Variants in NEK3 observed in about 807,000 individuals in gnomAD.
NEK3 encodes the protein serine/threonine-protein kinase Nek3.
Under a neutral mutation model 66.0 loss-of-function variants are expected in NEK3, and 54 were observed. That is an observed-to-expected ratio of 0.82 (90% CI 0.66 to 1.03). NEK3 has a LOEUF of 1.03. Ranked by LOEUF, NEK3 falls within the 50% of genes least tolerant of loss-of-function variation. The probability of loss-of-function intolerance (pLI) is 0.00; values close to 1 mark genes in which losing one functional copy is unlikely to be tolerated. For missense variants in NEK3, 593 were observed against 603.0 expected (o/e 0.98, Z 0.17); for synonymous variants, 200 against 206.2 (o/e 0.97, Z 0.26).
chr13:52,156,970 T>G (rs534820612), intron 1 of NEK3: 1 of 152,278 alleles, frequency 6.6e-6, no homozygotes, highest in South Asian at 2.1e-4. Flanking sequence ...GAGATAACCA[T>G]AAACCTCAAC....
At chr13:52,139,371 A>G (rs540556873) in intron 11 of NEK3, among the ~76,000 whole-genome samples, 1 of 152,336 alleles carries the variant, frequency 6.6e-6, no homozygotes, top group East Asian at 1.9e-4. Context: ...AGATTTGAGC[A>G]GCTACCAGGG....
Position 52,153,937 on chromosome 13 carries a change from T to C in NEK3, c.267A>G (p.Gln89=). ...ACTTTCCTTTCTGCTGTTTAATCTT[T>C]TGCATTAGATCCCCTCCATCACAGT... ...MEYCDGGDLM[Q]KIKQQKGKLF... Residue 89 remains glutamine (Q), a synonymous_variant, in exon 4 of 16, where the codon CAA becomes CAG. Coordinates refer to ENST00000610828, the MANE Select transcript of NEK3 (RefSeq NM_002498.3). The C allele has an allele frequency of 6.2e-7, 1 of 1,612,956 alleles. No individual in the cohort carries two copies. The highest frequency in any genetic ancestry group is 8.5e-7 in the Non-Finnish European group (1 of 1,179,206).
intron 10 of NEK3, among the ~76,000 whole-genome samples, chr13:52,143,221 C>CA (rs1454111725): frequency 6.6e-6 from 1 of 151,626 alleles, no homozygotes; most frequent in East Asian, 2.0e-4. Context: ...GAGGCTGAGG[C>CA]AAGAGAATCA....
chr13:52,149,591 C>T (rs1048314418), intron 7 of NEK3, among the ~76,000 whole-genome samples: 6 of 152,020 alleles, frequency 3.9e-5, no homozygotes, highest in African/African-American at 1.2e-4. Flanking sequence ...GGTTGCCCGC[C>T]GGGCATGGTG....
intron 7 of NEK3, 47 bp downstream of exon 7, chr13:52,151,099 T>G: frequency 6.9e-7 from 1 of 1,457,780 alleles, no homozygotes; most frequent in Non-Finnish European, 9.5e-7. Flanking sequence ...CAGGCTAAAA[T>G]GCCTGTCACC....
rs562364815 is a variant in NEK3 at position 52,136,945 on chromosome 13, T to G, written c.928-43A>C. ...AATACAGATTAAATAATGCTTGAAT[T>G]GCCACAAAAAGGTAAACAAATATGC... On this transcript the variant is annotated intron_variant, in intron 11 of 15. Coordinates refer to ENST00000610828, the MANE Select transcript of NEK3 (RefSeq NM_002498.3). 3.0e-6 allele frequency: 4 copies of G among 1,341,198 alleles called. No individual in the cohort carries two copies. The South Asian group carries it at 6.1e-5, about 20-fold the overall frequency. 83.1% of individuals were successfully genotyped at this position (1,341,198 alleles called of 1,614,324 possible).
chr13:52,139,676 A>G (rs2138193262), intron 11 of NEK3, among the ~76,000 whole-genome samples: 1 of 152,320 alleles, frequency 6.6e-6, no homozygotes, highest in South Asian at 2.1e-4. Context: ...AGACAGGCAG[A>G]TCACATGAGG....
intron 11 of NEK3, among the ~76,000 whole-genome samples, chr13:52,137,804 T>A (rs769433708): frequency 6.6e-6 from 1 of 152,250 alleles, no homozygotes; most frequent in Non-Finnish European, 1.5e-5. Flanking sequence ...CAACTCTGCC[T>A]TCATTGCCAT....
intron 8 of NEK3, among the ~76,000 whole-genome samples, chr13:52,145,461 G>A (rs1254285839): frequency 1.3e-5 from 2 of 151,942 alleles, no homozygotes; most frequent in Non-Finnish European, 2.9e-5. Flanking sequence ...GTGCCACCGC[G>A]CCTGGCTAAT....
chr13:52,138,788 G>A (rs560330605), intron 11 of NEK3, among the ~76,000 whole-genome samples: 58 of 152,076 alleles, frequency 3.8e-4, no homozygotes, highest in African/African-American at 1.4e-3. Context: ...AAAATTATCC[G>A]GGCATGGTGG....
intron 1 of NEK3, among the ~76,000 whole-genome samples, chr13:52,158,910 T>C (rs1317252236): frequency 1.3e-5 from 2 of 152,202 alleles, no homozygotes; most frequent in Non-Finnish European, 2.9e-5. Context: ...TTTCTTATTC[T>C]AGCACAGAGG....
Position 52,143,901 on chromosome 13 carries a change from G to C in NEK3, c.877+14C>G. 7.6e-7 allele frequency: 1 copy of C among 1,317,588 alleles called. No homozygotes were observed. Among genetic ancestry groups the C allele is most frequent in the Non-Finnish European group, 1.0e-6 (1 of 962,144 alleles). The allele number at this position is 1,317,588 out of a possible 1,614,324, so 81.6% of individuals were successfully genotyped here. A position where few individuals can be genotyped will look rare whatever the true frequency, so the allele number is the denominator to read the frequency against. ...AAGAGCACTTAACAAAAAATACTCT[G>C]TCAAAATTCTTACTTTTTTTTCTTG... On this transcript the variant is annotated intron_variant, in intron 10 of 15. Coordinates refer to ENST00000610828, the MANE Select transcript of NEK3 (RefSeq NM_002498.3).
At position 52,140,938 on chromosome 13, in the gene NEK3, C is replaced by T. The variant is rs374003469; in HGVS notation, c.927+82G>A. On this transcript the variant is annotated intron_variant, in intron 11 of 15. Coordinates refer to ENST00000610828, the MANE Select transcript of NEK3 (RefSeq NM_002498.3). ...CACTTGATTCTCCTGCCTCAACCTC[C>T]CGAGTAGCTGGGATTACAGGCTTGC... 259 of 1,149,300 alleles carry T rather than the reference C, an allele frequency of 2.3e-4. 1 individual carries two copies. The East Asian group carries it at 6.0e-3, about 27-fold the overall frequency. The allele number at this position is 1,149,300 out of a possible 1,614,324, so 71.2% of individuals were successfully genotyped here.
In NEK3 at chr13:52,141,079, G is replaced by A; in HGVS notation, c.878-10C>T. 2 of 1,582,034 alleles carry A rather than the reference G, an allele frequency of 1.3e-6. No homozygotes were observed. The highest frequency in any genetic ancestry group is 1.7e-6 in the Non-Finnish European group (2 of 1,161,530). On this transcript the variant is annotated splice_polypyrimidine_tract_variant and intron_variant, in intron 10 of 15. Transcript: ENST00000610828. ...ATTCTGCTGGGGTTTGCTTTTAAAA[G>A]AGAGAGAGAAGGTAGAAAGATAAAA...
chr13:52,147,566 T>C (rs1394922149), intron 8 of NEK3, among the ~76,000 whole-genome samples: 1 of 152,172 alleles, frequency 6.6e-6, no homozygotes, highest in African/African-American at 2.4e-5. Context: ...ACCTAGAATA[T>C]GCAAATTCAT....
rs56190615 is a variant in NEK3, at chr13:52,152,637, C to A, written c.365G>T (p.Arg122Leu). Residue 122 changes from arginine (R) to leucine (L), a missense_variant, in exon 5 of 16, where the codon CGT becomes CTT. Physicochemically the swap from Arg to Leu is moderately radical, Grantham distance 102. Transcript: ENST00000610828. The part of the protein sequence containing the change: ...CLGVNHIHKK[R>L]VLHRDIKSKN... ...GGACTTGATATCTCTGTGTAGCACACGTTTCTTGTGAATGTGATTTACTCC... is the reference window on the plus strand; with the variant it reads ...GGACTTGATATCTCTGTGTAGCACAAGTTTCTTGTGAATGTGATTTACTCC... 1.9e-6 allele frequency: 3 copies of A among 1,609,806 alleles called. No homozygotes were observed. The highest frequency in any genetic ancestry group is 2.5e-6 in the Non-Finnish European group (3 of 1,178,110).
At chr13:52,150,036 C>T (rs1422513796) in intron 7 of NEK3, among the ~76,000 whole-genome samples, 2 of 152,138 alleles carry the variant, frequency 1.3e-5, no homozygotes, top group African/African-American at 4.8e-5. Flanking sequence ...TTACTGCATA[C>T]CCAAATTTCC....
chr13:52,158,578 T>C (rs187296642), intron 1 of NEK3, among the ~76,000 whole-genome samples: 25 of 152,334 alleles, frequency 1.6e-4, no homozygotes, highest in African/African-American at 5.8e-4. Flanking sequence ...CCAGACTTCT[T>C]AGCTGAAAAC....
In NEK3 at chr13:52,136,146, T is replaced by A; in HGVS notation, c.1144A>T (p.Thr382Ser). 1 of 1,613,730 alleles carries A rather than the reference T, an allele frequency of 6.2e-7. No individual in the cohort carries two copies. The highest frequency in any genetic ancestry group is 8.5e-7 in the Non-Finnish European group (1 of 1,179,710). The change falls in exon 13 of 16, where the codon ACC becomes TCC. Residue 382 changes from threonine (T) to serine (S), a missense_variant. Physicochemically the swap from Thr to Ser is moderately conservative, Grantham distance 58. Transcript: ENST00000610828. ...LTALENASIL[T>S]SSLTAEDDRG... ...TCGTCCTCTGCTGTTAAACTGGAGG[T>A]GAGTATGGATGCATTTTCCAAAGCT...
Sources: gnomAD v4.1 joint callset for allele counts (sites outside exome capture counted in the v4.1 genomes callset) on GRCh38, gnomAD v4.1.1 for gene constraint, MANE v1.5 for transcripts, NCBI Gene and HGNC (gene_info 2026-07-23, HGNC 2026-07-21) for gene names.